The following SPATA6 variants were observed in gnomAD, a reference collection of about 807,000 sequenced individuals.
SPATA6 encodes the protein spermatogenesis-associated protein 6.
SPATA6 carries 56 observed loss-of-function variants against 65.3 expected under a neutral mutation model. The observed-to-expected ratio is 0.86, with a 90% CI of 0.69 to 1.07. The LOEUF (loss-of-function observed/expected upper bound fraction) is 1.07. Among genes scored for constraint, SPATA6 ranks in the 50% least tolerant of loss-of-function variants. The pLI, the probability that SPATA6 is intolerant of heterozygous loss-of-function variation, is 0.00. For missense variants in SPATA6, 590 were observed against 594.8 expected, an observed-to-expected ratio of 0.99 and a Z score of 0.08; for synonymous variants, 199 against 213.2, an observed-to-expected ratio of 0.93 and a Z score of 0.58.
chr1:48,407,630 G>A (rs979442762), intron 5 of SPATA6, among the ~76,000 whole-genome samples: 2 of 152,116 alleles, frequency 1.3e-5, no homozygotes, highest in Admixed American at 1.3e-4. Flanking sequence ...TAATAGTCTC[G>A]CCAGTTTTTC....
chr1:48,277,706 C>A, the SPATA6 span, among the ~76,000 whole-genome samples: 1 of 152,250 alleles, frequency 6.6e-6, no homozygotes, highest in Admixed American at 6.5e-5. Context: ...CCCACCACAG[C>A]TCAAGGAGGC....
chr1:48,277,740 C>T, the SPATA6 span, among the ~76,000 whole-genome samples: 159 of 152,344 alleles, frequency 1.0e-3, no homozygotes, highest in African/African-American at 3.7e-3. Flanking sequence ...TAGGCTCCAC[C>T]TCTGGGGGCA....
In SPATA6 at chr1:48,400,795, C is replaced by A. The variant is rs899911230; in HGVS notation, c.487-1151G>T. The A allele has an allele frequency of 1.2e-5, 15 of 1,297,172 alleles. No individual in the cohort carries two copies. In the African/African-American group the frequency reaches 2.0e-4, roughly 17 times the overall value. 80.4% of individuals were successfully genotyped at this position (1,297,172 alleles called of 1,614,324 possible). ...GACCAGTTGCATCAGATTACTCCAT[C>A]TTTCCTTCTTCTGTAGTTCATGGTA... On this transcript the variant is annotated intron_variant, in intron 6 of 12. Transcript: ENST00000371847.
intron 9 of SPATA6, among the ~76,000 whole-genome samples, chr1:48,368,677 A>T (rs1002497589): frequency 3.9e-5 from 6 of 152,088 alleles, no homozygotes; most frequent in African/African-American, 1.2e-4. Flanking sequence ...TGCATTGGTT[A>T]TTCTAGTTAT....
Position 48,315,902 on chromosome 1 carries a change from A to T in SPATA6, c.1195-10024T>A, listed in dbSNP as rs535273475. On this transcript the variant is annotated intron_variant, in intron 11 of 12. Transcript: ENST00000371847. ...GGATTCTTATATACCAAGAACAAAC[A>T]GAGAGCCAAATCATGAGTGAACTCC... 2.0e-5 allele frequency among the ~76,000 whole-genome samples: 3 copies of T among 152,352 alleles called. No individual in the cohort carries two copies. The South Asian group carries it at 6.2e-4, about 32-fold the overall frequency.
In SPATA6 at chr1:48,298,419, T is replaced by G. The variant is rs1459616807; in HGVS notation, c.*294A>C. On this transcript the variant is annotated 3_prime_UTR_variant, in exon 13 of 13. Coordinates refer to ENST00000371847, the MANE Select transcript of SPATA6 (RefSeq NM_019073.4). ...TCTAGAAAGGAACTATTCTTGGATT[T>G]GCAGATGGAATATGAGGTGTACATG... 3 of 215,690 alleles carry G rather than the reference T, an allele frequency of 1.4e-5. No homozygotes were observed. The highest frequency in any genetic ancestry group is 6.8e-5 in the African/African-American group (3 of 44,154). The allele number at this position is 215,690 out of a possible 1,614,324, so 13.4% of individuals were successfully genotyped here. A position where few individuals can be genotyped will look rare whatever the true frequency, so the allele number is the denominator to read the frequency against.
At chr1:48,398,295 A>G (rs966791021) in intron 7 of SPATA6, among the ~76,000 whole-genome samples, 1 of 151,354 alleles carries the variant, frequency 6.6e-6, no homozygotes, top group Non-Finnish European at 1.5e-5. Flanking sequence ...CTTAAGAGTT[A>G]AAAAAAACGA....
Position 48,360,505 on chromosome 1 carries a change from CTA to C in SPATA6, c.910-737_910-736del, listed in dbSNP as rs199658234. On this transcript the variant is annotated intron_variant, in intron 9 of 12. Coordinates refer to ENST00000371847, the MANE Select transcript of SPATA6 (RefSeq NM_019073.4). ...GTCACGAAGATTATCTGTGGAAAGA[CTA>C]TGCCAGAAGAGAGAAAAATAAATGC... 4.6e-3 allele frequency among the ~76,000 whole-genome samples: 693 copies of C among 152,052 alleles called. 4 individuals carry two copies. Among genetic ancestry groups the C allele is most frequent in the African/African-American group, 0.015 (619 of 41,508 alleles).
chr1:48,431,494 G>GT (rs1266718532), intron 3 of SPATA6, among the ~76,000 whole-genome samples: 1 of 152,080 alleles, frequency 6.6e-6, no homozygotes, highest in Non-Finnish European at 1.5e-5. Flanking sequence ...TATATATGGG[G>GT]TATATATGGG....
At chr1:48,392,965 A>G (rs1350557032) in intron 8 of SPATA6, among the ~76,000 whole-genome samples, 1 of 152,110 alleles carries the variant, frequency 6.6e-6, no homozygotes, top group Non-Finnish European at 1.5e-5. Flanking sequence ...CAGAAAAACA[A>G]GAAGGAAAAG....
intron 11 of SPATA6, among the ~76,000 whole-genome samples, chr1:48,323,890 C>T (rs903957228): frequency 3.3e-5 from 5 of 151,996 alleles, no homozygotes; most frequent in African/African-American, 4.8e-5. Context: ...GCACAGGGCT[C>T]GATGGATTCA....
intron 1 of SPATA6, among the ~76,000 whole-genome samples, chr1:48,463,507 T>C (rs1404306633): frequency 1.3e-5 from 2 of 152,110 alleles, no homozygotes; most frequent in Admixed American, 6.6e-5. Context: ...ACATTATCAA[T>C]AGCTTTGAGA....
At chr1:48,362,421 C>T (rs1646842528) in intron 9 of SPATA6, among the ~76,000 whole-genome samples, 2 of 152,024 alleles carry the variant, frequency 1.3e-5, no homozygotes. Flanking sequence ...TCATTTTTAT[C>T]TGCTAAATTT....
chr1:48,409,837 T>G (rs1275694410), intron 5 of SPATA6, among the ~76,000 whole-genome samples: 1 of 152,200 alleles, frequency 6.6e-6, no homozygotes, highest in Non-Finnish European at 1.5e-5. Context: ...GTCCCTAGGC[T>G]GCACACAGCA....
chr1:48,370,227 T>C (rs1647194553), intron 9 of SPATA6, among the ~76,000 whole-genome samples: 1 of 152,200 alleles, frequency 6.6e-6, no homozygotes, highest in Admixed American at 6.5e-5. Flanking sequence ...TCTCTAAAGT[T>C]TCTCTTCTGT....
chr1:48,312,723 A>G (rs1645258535), intron 11 of SPATA6, among the ~76,000 whole-genome samples: 1 of 152,184 alleles, frequency 6.6e-6, no homozygotes, highest in South Asian at 2.1e-4. Context: ...TTGAGAGAAG[A>G]AGGCTTCAGA....
At chr1:48,438,848 T>C (rs186202392) in intron 3 of SPATA6, among the ~76,000 whole-genome samples, 6 of 152,228 alleles carry the variant, frequency 3.9e-5, no homozygotes, top group Admixed American at 3.9e-4. Flanking sequence ...AGCTCACCAA[T>C]CATAAAGACA....
intron 9 of SPATA6, among the ~76,000 whole-genome samples, chr1:48,382,683 T>C: frequency 4.2e-5 from 2 of 47,998 alleles, no homozygotes; most frequent in African/African-American, 7.1e-5. Flanking sequence ...GCAGAGGGGC[T>C]CCTCACTTTC....
chr1:48,336,883 A>C (rs534843731), intron 11 of SPATA6, among the ~76,000 whole-genome samples: 3 of 152,120 alleles, frequency 2.0e-5, no homozygotes, highest in African/African-American at 7.2e-5. Flanking sequence ...AAAATTCCTA[A>C]TAAAACTGAC....
Sources: gnomAD v4.1 joint callset for allele counts (sites outside exome capture counted in the v4.1 genomes callset) on GRCh38, gnomAD v4.1.1 for gene constraint, MANE v1.5 for transcripts, NCBI Gene and HGNC (gene_info 2026-07-23, HGNC 2026-07-21) for gene names.